Variants in LRRFIP1 observed in about 807,000 individuals in gnomAD.
LRRFIP1 encodes the protein LRR binding FLII interacting protein 1, also known as leucine-rich repeat flightless-interacting protein 1.
LRRFIP1 carries 62 observed loss-of-function variants against 104.4 expected under a neutral mutation model. The ratio of observed to expected loss-of-function variants is 0.59; its 90% CI spans 0.48 to 0.73. LRRFIP1 has a LOEUF of 0.73. Ranked by LOEUF, LRRFIP1 falls within the 30% of genes least tolerant of loss-of-function variation. The pLI is 0.00. For missense variants in LRRFIP1, 796 were observed against 824.5 expected (o/e 0.97, Z 0.42); for synonymous variants, 300 against 299.0 (o/e 1.00, Z -0.03).
intron 1 of LRRFIP1, among the ~76,000 whole-genome samples, chr2:237,631,368 T>C (rs1252980756): frequency 6.6e-6 from 1 of 152,204 alleles, no homozygotes; most frequent in East Asian, 1.9e-4. Flanking sequence ...GGGCAGCCTT[T>C]GGAGGGTGCA....
At chr2:237,683,907 T>C (rs995642709) in intron 1 of LRRFIP1, among the ~76,000 whole-genome samples, 2 of 152,214 alleles carry the variant, frequency 1.3e-5, no homozygotes, top group Admixed American at 6.5e-5. Flanking sequence ...CTGTATGCTA[T>C]GGGTACTGTT....
chr2:237,630,983 A>T (rs930476046), intron 1 of LRRFIP1, among the ~76,000 whole-genome samples: 1 of 152,194 alleles, frequency 6.6e-6, no homozygotes, highest in African/African-American at 2.4e-5. Context: ...TCCTGCACCA[A>T]GCTCTTTGAC....
At chr2:237,682,052 G>T (rs911644508) in intron 1 of LRRFIP1, among the ~76,000 whole-genome samples, 5 of 152,180 alleles carry the variant, frequency 3.3e-5, no homozygotes, top group African/African-American at 1.2e-4. Context: ...ACAGCTGCCT[G>T]AAAGACGGCA....
At chr2:237,656,892 A>G (rs1482572117) in intron 1 of LRRFIP1, among the ~76,000 whole-genome samples, 4 of 152,272 alleles carry the variant, frequency 2.6e-5, no homozygotes, top group Admixed American at 2.6e-4. Context: ...TTATATGTCA[A>G]TGGAAGTTCA....
intron 7 of LRRFIP1, among the ~76,000 whole-genome samples, chr2:237,725,976 C>T (rs1559687811): frequency 1.3e-5 from 2 of 152,228 alleles, no homozygotes; most frequent in Non-Finnish European, 2.9e-5. Context: ...AAGTGATTAA[C>T]ATTAGCCTTC....
At chr2:237,714,960 A>G (rs2094268300) in intron 3 of LRRFIP1, among the ~76,000 whole-genome samples, 1 of 152,254 alleles carries the variant, frequency 6.6e-6, no homozygotes, top group Admixed American at 6.5e-5. Context: ...TTTCCCATAA[A>G]TGAATTTAGT....
intron 1 of LRRFIP1, among the ~76,000 whole-genome samples, chr2:237,701,747 G>A (rs138057880): frequency 3.3e-5 from 5 of 152,306 alleles, no homozygotes; most frequent in African/African-American, 1.2e-4. Flanking sequence ...TCTGCTGTGT[G>A]GTTCTGTCTA....
chr2:237,660,139 A>G (rs751952030), intron 1 of LRRFIP1, among the ~76,000 whole-genome samples: 2 of 152,242 alleles, frequency 1.3e-5, no homozygotes, highest in Non-Finnish European at 2.9e-5. Flanking sequence ...TTTTCACAAG[A>G]GGAACTCTAA....
In LRRFIP1 at chr2:237,766,732, G is replaced by A. The variant is rs979598090; in HGVS notation, c.1460-3211G>A. 2.0e-5 allele frequency among the ~76,000 whole-genome samples: 3 copies of A among 152,178 alleles called. No individual in the cohort carries two copies. Among genetic ancestry groups the A allele is most frequent in the Non-Finnish European group, 4.4e-5 (3 of 68,026 alleles). On this transcript the variant is annotated intron_variant, in intron 19 of 23. Coordinates refer to ENST00000308482, the MANE Select transcript of LRRFIP1 (RefSeq NM_001137550.2). This position sits in a 1 kb window ranked among gnomAD's most constrained non-coding sequence, Gnocchi z 4.8. ...TGAAAATCCATGAGCAAGAAAGAAG[G>A]AAAAAGAAAGAGTTCTGAGCAGCCA...
chr2:237,765,090 T>G, intron 19 of LRRFIP1: 1 of 494,630 alleles, frequency 2.0e-6, no homozygotes, highest in Non-Finnish European at 2.6e-6. Context: ...GGTGAAACCC[T>G]GTCTCTACTA....
chr2:237,655,794 G>T (rs1218844549), intron 1 of LRRFIP1, among the ~76,000 whole-genome samples: 2 of 152,136 alleles, frequency 1.3e-5, no homozygotes, highest in Admixed American at 6.5e-5. Context: ...AACAAAAAGG[G>T]CAAAGCCCAA....
At chr2:237,757,307 C>A in intron 16 of LRRFIP1, 149 bp from the exon 17 acceptor site, 1 of 529,662 alleles carries the variant, frequency 1.9e-6, no homozygotes. Flanking sequence ...GGAAAAAAAT[C>A]CTAGAATGCT....
intron 1 of LRRFIP1, among the ~76,000 whole-genome samples, chr2:237,692,698 G>A (rs1029679464): frequency 6.6e-6 from 1 of 152,090 alleles, no homozygotes; most frequent in Non-Finnish European, 1.5e-5. Flanking sequence ...GAGTGGCCCG[G>A]CGAGCGGCGT....
intron 1 of LRRFIP1, among the ~76,000 whole-genome samples, chr2:237,631,309 T>C (rs1366955205): frequency 6.6e-6 from 1 of 152,228 alleles, no homozygotes; most frequent in Non-Finnish European, 1.5e-5. Flanking sequence ...GGCTGCCCTG[T>C]GCAGGCAGGG....
intron 17 of LRRFIP1, 50 bp downstream of exon 17, chr2:237,757,598 C>T (rs2150772104): frequency 7.2e-7 from 1 of 1,383,084 alleles, no homozygotes; most frequent in South Asian, 1.3e-5. Flanking sequence ...GCCTGCTTAG[C>T]AAATAGAGTT....
intron 1 of LRRFIP1, among the ~76,000 whole-genome samples, chr2:237,634,009 A>T (rs2082746990): frequency 6.6e-6 from 1 of 152,204 alleles, no homozygotes; most frequent in Non-Finnish European, 1.5e-5. Context: ...TCTTTAAAAA[A>T]TTGATTTTTA....
At chr2:237,693,019 G>C (rs1476840389) in intron 1 of LRRFIP1, among the ~76,000 whole-genome samples, 1 of 152,214 alleles carries the variant, frequency 6.6e-6, no homozygotes, top group Non-Finnish European at 1.5e-5. Context: ...AATCCACTTT[G>C]GCTAGTCTCC....
rs566070928 is a variant in LRRFIP1 at position 237,640,665 on chromosome 2, T to C, written c.96+12925T>C. Reference sequence around the variant, plus strand: ...CTCCCGTAAAAGCACATTGCCGAACTTCTTAAAATAGATGACCAGATCATT... The same window carrying C: ...CTCCCGTAAAAGCACATTGCCGAACCTCTTAAAATAGATGACCAGATCATT... On this transcript the variant is annotated intron_variant, in intron 1 of 23. Transcript: ENST00000308482. Among the ~76,000 whole-genome samples the C allele has an allele frequency of 2.3e-4, 35 of 152,308 alleles. No individual in the cohort carries two copies. The South Asian group carries it at 5.6e-3, about 24-fold the overall frequency.
At chr2:237,741,124 T>C (rs1243358468) in intron 11 of LRRFIP1, among the ~76,000 whole-genome samples, 2 of 152,152 alleles carry the variant, frequency 1.3e-5, no homozygotes, top group East Asian at 3.9e-4. Flanking sequence ...GCCAAATGTG[T>C]GCAGGGAGTG....
Sources: gnomAD v4.1 joint callset for allele counts (sites outside exome capture counted in the v4.1 genomes callset) on GRCh38, gnomAD v4.1.1 for gene constraint, Gnocchi (gnomAD v3.1) non-coding constraint, MANE v1.5 for transcripts, NCBI Gene and HGNC (gene_info 2026-07-23, HGNC 2026-07-21) for gene names.